Variants in NOL4 observed in about 807,000 individuals in gnomAD.
The protein encoded by NOL4 is cancer/testis antigen 125.
Under a neutral mutation model 75.9 loss-of-function variants are expected in NOL4, and 17 were observed. The observed-to-expected ratio is 0.22, with a 90% CI of 0.15 to 0.34. NOL4 has a LOEUF of 0.34. Among genes scored for constraint, NOL4 ranks in the 10% least tolerant of loss-of-function variants. NOL4 has a pLI of 1.00. For synonymous variants in NOL4, 292 were observed against 289.9 expected (o/e 1.01, Z -0.07); for missense variants, 614 against 793.5 (o/e 0.77, Z 2.72).
At chr18:34,169,935 A>G (rs1173438516) in intron 1 of NOL4, among the ~76,000 whole-genome samples, 1 of 152,014 alleles carries the variant, frequency 6.6e-6, no homozygotes, top group Non-Finnish European at 1.5e-5. Context: ...TTTTTAATCA[A>G]TTCTCTCTCT....
At chr18:34,193,070 C>T (rs1185453614) in intron 1 of NOL4, among the ~76,000 whole-genome samples, 1 of 152,040 alleles carries the variant, frequency 6.6e-6, no homozygotes, top group African/African-American at 2.4e-5. Context: ...GTTACAGAAA[C>T]ACAAAATGGA....
intron 6 of NOL4, among the ~76,000 whole-genome samples, chr18:34,006,583 C>G (rs1015395974): frequency 2.6e-5 from 4 of 152,018 alleles, no homozygotes; most frequent in African/African-American, 9.7e-5. Flanking sequence ...TGAATTTTCC[C>G]TTCTTGTACA....
chr18:34,136,311 A>G (rs1190127359), intron 1 of NOL4, among the ~76,000 whole-genome samples: 4 of 152,220 alleles, frequency 2.6e-5, no homozygotes, highest in Non-Finnish European at 4.4e-5. Flanking sequence ...AGCCACATCT[A>G]TTTAACATCA....
chr18:33,939,184 G>C (rs2068287028), intron 9 of NOL4, among the ~76,000 whole-genome samples: 1 of 152,106 alleles, frequency 6.6e-6, no homozygotes, highest in Admixed American at 6.6e-5. Context: ...CTGTAGCCTT[G>C]TAGTATAGTT....
At position 34,093,612 on chromosome 18, in the gene NOL4, AAAAT is replaced by A; in HGVS notation, c.640-19_640-16del. ...GAACTTTCATCCTGAAAATAGTTTT[AAAAT>A]ATCATCAAGCATTTTAACGTATAAT... On this transcript the variant is annotated splice_polypyrimidine_tract_variant and intron_variant, in intron 4 of 10. Transcript: ENST00000261592. The A allele has an allele frequency of 6.4e-7, 1 of 1,556,828 alleles. No individual in the cohort carries two copies. Among genetic ancestry groups the A allele is most frequent in the South Asian group, 1.2e-5 (1 of 84,434 alleles).
intron 9 of NOL4, among the ~76,000 whole-genome samples, chr18:33,917,047 G>T (rs970857215): frequency 6.6e-6 from 1 of 152,142 alleles, no homozygotes; most frequent in Non-Finnish European, 1.5e-5. Flanking sequence ...TATGCAGAAG[G>T]CTGGATTTGC....
At chr18:33,919,504 C>A (rs2066910940) in intron 9 of NOL4, among the ~76,000 whole-genome samples, 1 of 152,178 alleles carries the variant, frequency 6.6e-6, no homozygotes, top group South Asian at 2.1e-4. Context: ...ATGCATAAGT[C>A]ACTGCTGAAT....
intron 5 of NOL4, among the ~76,000 whole-genome samples, chr18:34,050,753 T>C (rs902848371): frequency 6.6e-6 from 1 of 152,066 alleles, no homozygotes; most frequent in Admixed American, 6.6e-5. Context: ...GTTTGTCTTA[T>C]GGGAAATAGG....
At chr18:34,210,090 C>T (rs1210385908) in intron 1 of NOL4, among the ~76,000 whole-genome samples, 1 of 152,098 alleles carries the variant, frequency 6.6e-6, no homozygotes, top group Non-Finnish European at 1.5e-5. Context: ...AGTTGGAAGG[C>T]ATAAAACATC....
At chr18:34,114,361 T>C (rs1044171294) in intron 2 of NOL4, among the ~76,000 whole-genome samples, 1 of 152,086 alleles carries the variant, frequency 6.6e-6, no homozygotes, top group African/African-American at 2.4e-5. Flanking sequence ...AGACACAAAA[T>C]AGAATGGATG....
chr18:33,953,457 A>G (rs1275287866), intron 8 of NOL4, among the ~76,000 whole-genome samples: 2 of 152,112 alleles, frequency 1.3e-5, no homozygotes, highest in Non-Finnish European at 2.9e-5. Context: ...GGTATGAAAG[A>G]CTAGAACTAA....
At chr18:33,894,051 C>A (rs939563758) in intron 9 of NOL4, among the ~76,000 whole-genome samples, 2 of 152,072 alleles carry the variant, frequency 1.3e-5, no homozygotes, top group Non-Finnish European at 2.9e-5. Flanking sequence ...CTCCTTTGCT[C>A]CATTAGTACA....
intron 1 of NOL4, among the ~76,000 whole-genome samples, chr18:34,179,169 C>T (rs1400630730): frequency 1.3e-5 from 2 of 151,444 alleles, no homozygotes; most frequent in African/African-American, 2.4e-5. Context: ...CGTATCAAAA[C>T]TTATAGGATG....
intron 1 of NOL4, among the ~76,000 whole-genome samples, chr18:34,174,938 T>C (rs2033402519): frequency 6.6e-6 from 1 of 151,362 alleles, no homozygotes; most frequent in African/African-American, 2.5e-5. Flanking sequence ...TGATGGACAT[T>C]TGGGTTGGTT....
chr18:34,008,026 G>T (rs2074137896), intron 6 of NOL4, among the ~76,000 whole-genome samples: 1 of 151,938 alleles, frequency 6.6e-6, no homozygotes, highest in Non-Finnish European at 1.5e-5. Flanking sequence ...TTGGTAAACT[G>T]GTCAAAGAAG....
At chr18:34,051,308 C>G (rs1396786778) in intron 5 of NOL4, among the ~76,000 whole-genome samples, 7 of 151,720 alleles carry the variant, frequency 4.6e-5, no homozygotes, top group Admixed American at 1.3e-4. Context: ...CTTTAGAATT[C>G]TAAATGTGTC....
chr18:34,091,057 AG>A (rs1166817579), intron 5 of NOL4, among the ~76,000 whole-genome samples: 1 of 151,986 alleles, frequency 6.6e-6, no homozygotes, highest in East Asian at 1.9e-4. Context: ...CCCTTATAAA[AG>A]GGCTTGATAG....
At chr18:34,013,855 A>G (rs1326331404) in intron 6 of NOL4, among the ~76,000 whole-genome samples, 1 of 151,940 alleles carries the variant, frequency 6.6e-6, no homozygotes, top group Non-Finnish European at 1.5e-5. Context: ...TGTCTCACAC[A>G]TATTAAGCAC....
intron 6 of NOL4, among the ~76,000 whole-genome samples, chr18:33,979,761 T>C (rs2145966300): frequency 6.6e-6 from 1 of 152,186 alleles, no homozygotes; most frequent in African/African-American, 2.4e-5. Context: ...TCTGGTTAGC[T>C]TTTGCCAAAA....
Sources: allele counts gnomAD v4.1 joint callset (sites outside exome capture counted in the v4.1 genomes callset), GRCh38; gene constraint gnomAD v4.1.1; transcripts MANE v1.5; gene names NCBI Gene and HGNC (gene_info 2026-07-23, HGNC 2026-07-21).